The following PRKAR1B variants were observed in gnomAD, a reference collection of about 807,000 sequenced individuals.
The protein encoded by PRKAR1B is protein kinase cAMP-dependent type I regulatory subunit beta, also known as cAMP-dependent protein kinase type I-beta regulatory subunit.
In PRKAR1B, 22 loss-of-function variants were observed where a neutral mutation model predicts 46.5. The ratio of observed to expected loss-of-function variants is 0.47; its 90% CI spans 0.34 to 0.68. The LOEUF (loss-of-function observed/expected upper bound fraction) is 0.68. Among genes scored for constraint, PRKAR1B ranks in the 30% least tolerant of loss-of-function variants. The pLI is 0.01. For missense variants in PRKAR1B, 445 were observed against 535.6 expected (o/e 0.83, Z 1.67); for synonymous variants, 259 against 217.7 (o/e 1.19, Z -1.67).
At chr7:659,799 C>A (rs1193133181) in intron 4 of PRKAR1B, among the ~76,000 whole-genome samples, 3 of 152,134 alleles carry the variant, frequency 2.0e-5, no homozygotes, top group Admixed American at 6.5e-5. Flanking sequence ...CTCCACCTCC[C>A]GGGCTTAAGC....
chr7:679,556 T>C (rs117457480), intron 3 of PRKAR1B, among the ~76,000 whole-genome samples: 126 of 152,372 alleles, frequency 8.3e-4, no homozygotes, highest in South Asian at 2.3e-3. Flanking sequence ...AAGTATTAAG[T>C]ACTGCGGAAA....
chr7:646,334 G>A (rs1224073700), intron 4 of PRKAR1B, among the ~76,000 whole-genome samples: 5 of 152,228 alleles, frequency 3.3e-5, no homozygotes, highest in East Asian at 1.9e-4. Context: ...GTGAGCCACC[G>A]CGCCTGGCCT....
At chr7:550,888 A>G (rs931026886) in intron 10 of PRKAR1B, among the ~76,000 whole-genome samples, 1 of 151,656 alleles carries the variant, frequency 6.6e-6, no homozygotes, top group Admixed American at 6.6e-5. Flanking sequence ...GGCCTCCCTT[A>G]GGACCCAGAC....
At chr7:653,439 G>A (rs1257854144) in intron 4 of PRKAR1B, among the ~76,000 whole-genome samples, 2 of 152,150 alleles carry the variant, frequency 1.3e-5, no homozygotes, top group Non-Finnish European at 2.9e-5. Context: ...TTATCCCCAG[G>A]GAGCAAGGTC....
chr7:579,514 A>AT, intron 8 of PRKAR1B, 137 bp from the exon 9 acceptor site: 1 of 1,163,064 alleles, frequency 8.6e-7, no homozygotes, highest in Non-Finnish European at 1.2e-6. Flanking sequence ...AGTAAGCTGC[A>AT]TAAGATGAGG....
intron 4 of PRKAR1B, among the ~76,000 whole-genome samples, chr7:676,777 C>T (rs895981723): frequency 3.3e-5 from 5 of 152,188 alleles, no homozygotes; most frequent in South Asian, 2.1e-4. Context: ...CCCTGGAGGC[C>T]GGGGAGGGCG....
chr7:696,541 T>C (rs987856920), intron 2 of PRKAR1B, among the ~76,000 whole-genome samples: 1 of 152,192 alleles, frequency 6.6e-6, no homozygotes, highest in African/African-American at 2.4e-5. Context: ...CCCAAAGTGC[T>C]GGGATGACAG....
chr7:657,782 G>A (rs747728850), intron 4 of PRKAR1B, among the ~76,000 whole-genome samples: 4 of 152,160 alleles, frequency 2.6e-5, no homozygotes, highest in Non-Finnish European at 5.9e-5. Flanking sequence ...AAGACGTAAA[G>A]CAGAAAATGT....
Position 680,714 on chromosome 7 carries a change from G to C in PRKAR1B, c.190C>G (p.Gln64Glu). 6.2e-7 allele frequency: 1 copy of C among 1,613,972 alleles called. No homozygotes were observed. Among genetic ancestry groups the C allele is most frequent in the Non-Finnish European group, 8.5e-7 (1 of 1,179,988 alleles). Residue 64 changes from glutamine to glutamate, a missense_variant, in exon 3 of 11, where the codon CAG becomes GAG. Transcript: ENST00000537384. ...TTTGACTTTTGCCGCGCCAAAATCT[G>C]CCTGTTTTCTTCCTGTGTGGGAGAG... ...FEKLEKEENR[Q>E]ILARQKSNSQ... is the part of the protein sequence containing the mutation.
chr7:695,583 G>A (rs79613035), intron 2 of PRKAR1B, among the ~76,000 whole-genome samples: 5,239 of 152,268 alleles, frequency 0.034, 338 homozygotes, highest in African/African-American at 0.12. Context: ...GAGCCCACTG[G>A]AGTCTGCAAG....
chr7:638,431 G>C (rs1017229994), intron 4 of PRKAR1B, among the ~76,000 whole-genome samples: 7 of 152,090 alleles, frequency 4.6e-5, no homozygotes, highest in Non-Finnish European at 8.8e-5. Flanking sequence ...AGGTGAAGTC[G>C]GCTCAGCAAC....
chr7:628,155 A>T (rs1783518035), intron 4 of PRKAR1B, among the ~76,000 whole-genome samples: 1 of 152,194 alleles, frequency 6.6e-6, no homozygotes, highest in Non-Finnish European at 1.5e-5. Context: ...CAGCCACATC[A>T]GGCACCCCTG....
chr7:580,205 T>C (rs1780089871), intron 8 of PRKAR1B, among the ~76,000 whole-genome samples: 1 of 145,876 alleles, frequency 6.9e-6, no homozygotes, highest in Admixed American at 7.0e-5. Context: ...CACTCCAGCT[T>C]GGGAGACAGA....
At position 677,101 on chromosome 7, in the gene PRKAR1B, G is replaced by A. The variant is rs72503888; in HGVS notation, c.440+128C>T. ...CAGCTGTGATTCCCAGGCGAGCAAC[G>A]GGGGCTGCCCACCTCCTGGAGGCCA... On this transcript the variant is annotated intron_variant, in intron 4 of 10. Transcript: ENST00000537384. The A allele has an allele frequency of 3.7e-4, 330 of 880,840 alleles. 2 individuals are homozygous for A. The East Asian group carries it at 7.5e-3, about 20-fold the overall frequency. 54.6% of individuals were successfully genotyped at this position (880,840 alleles called of 1,614,324 possible). A position where few individuals can be genotyped will look rare whatever the true frequency, so the allele number is the denominator to read the frequency against.
intron 4 of PRKAR1B, chr7:607,838 A>G: frequency 4.8e-6 from 1 of 207,854 alleles, no homozygotes; most frequent in Non-Finnish European, 9.7e-6. Context: ...TCTTGATGAC[A>G]TGTTTTCTGC....
intron 2 of PRKAR1B, among the ~76,000 whole-genome samples, chr7:694,790 C>T (rs999670358): frequency 6.6e-6 from 1 of 152,178 alleles, no homozygotes; most frequent in Non-Finnish European, 1.5e-5. Context: ...AATCCCAGCA[C>T]TTTGGGAGGC....
chr7:621,069 A>G (rs950074418), intron 4 of PRKAR1B, among the ~76,000 whole-genome samples: 1 of 152,280 alleles, frequency 6.6e-6, no homozygotes, highest in Non-Finnish European at 1.5e-5. Flanking sequence ...GGTGATTTAC[A>G]TGGATAGAGT....
chr7:622,165 C>T (rs1783141080), intron 4 of PRKAR1B, among the ~76,000 whole-genome samples: 1 of 152,374 alleles, frequency 6.6e-6, no homozygotes, highest in Admixed American at 6.5e-5. Flanking sequence ...CAAACAGGTT[C>T]AGCCAGTTCT....
At chr7:646,050 A>ATT (rs547981667) in intron 4 of PRKAR1B, among the ~76,000 whole-genome samples, 1 of 147,384 alleles carries the variant, frequency 6.8e-6, no homozygotes, top group African/African-American at 2.5e-5. Flanking sequence ...ACTGCACGCT[A>ATT]TTTTTTTTTT....
Sources: gnomAD v4.1 joint callset for allele counts (sites outside exome capture counted in the v4.1 genomes callset) on GRCh38, gnomAD v4.1.1 for gene constraint, MANE v1.5 for transcripts, NCBI Gene and HGNC (gene_info 2026-07-23, HGNC 2026-07-21) for gene names.